The following SYNE1 variants were observed in gnomAD, a reference collection of about 807,000 sequenced individuals.
The protein encoded by SYNE1 is nesprin-1.
A neutral mutation model predicts 1,111.0 loss-of-function variants in SYNE1; 616 were observed. That is an observed-to-expected ratio of 0.55 (90% confidence interval 0.52 to 0.59). The LOEUF is 0.59. Ranked by LOEUF, SYNE1 falls within the 20% of genes least tolerant of loss-of-function variation. The probability of loss-of-function intolerance (pLI) is 0.00; values close to 1 mark genes in which losing one functional copy is unlikely to be tolerated. For missense variants in SYNE1, 10,006 were observed against 10,417.0 expected, an observed-to-expected ratio of 0.96 and a Z score of 1.72; for synonymous variants, 3,855 against 3,825.8, an observed-to-expected ratio of 1.01 and a Z score of -0.28.
Position 152,293,983 on chromosome 6 carries a change from A to G in SYNE1, c.17827T>C (p.Ser5943Pro), listed in dbSNP as rs147998933. ...ACCACATTCTTTAAGGTTTCCCAAG[A>G]ACGCTGCAAATCACCCAGTTTGGCA... Reference protein sequence around the residue: ...ATAKLGDLQRSWETLKNVISE... With the variant: ...ATAKLGDLQRPWETLKNVISE... Residue 5943 changes from serine (S) to proline (P), a missense_variant, in exon 94 of 146, where the codon TCT becomes CCT. By Grantham distance (74) the Ser-to-Pro change is moderately conservative (BLOSUM62 -1). Transcript: ENST00000367255. 2,329 of 1,614,090 alleles carry G rather than the reference A, an allele frequency of 1.4e-3. 4 individuals are homozygous for G. Among genetic ancestry groups the G allele is most frequent in the Non-Finnish European group, 1.8e-3 (2,164 of 1,180,004 alleles).
intron 101 of SYNE1, among the ~76,000 whole-genome samples, chr6:152,259,483 T>C (rs1588928131): frequency 6.6e-6 from 1 of 152,282 alleles, no homozygotes; most frequent in East Asian, 1.9e-4. Context: ...TGTTTTTACA[T>C]ATGAAACTAG....
chr6:152,203,260 G>T (rs74632620), intron 126 of SYNE1, among the ~76,000 whole-genome samples: 1 of 152,030 alleles, frequency 6.6e-6, no homozygotes, highest in Non-Finnish European at 1.5e-5. Flanking sequence ...TAAAAAAGTA[G>T]AATTTTAAAA....
chr6:152,583,111 G>A (rs953176779), intron 3 of SYNE1, among the ~76,000 whole-genome samples: 1 of 152,104 alleles, frequency 6.6e-6, no homozygotes, highest in African/African-American at 2.4e-5. Flanking sequence ...CTGCTACTGA[G>A]TAATATAAAA....
At position 152,225,728 on chromosome 6, in the gene SYNE1, T is replaced by A; in HGVS notation, c.21344A>T (p.Asp7115Val). 1 of 1,614,138 alleles carries A rather than the reference T, an allele frequency of 6.2e-7. No individual in the cohort carries two copies. The highest frequency in any genetic ancestry group is 8.5e-7 in the Non-Finnish European group (1 of 1,179,994). ...TTCTGTGAGCAATATTACCATGTGA[T>A]CTAAATTTGCCCAGGTTTGGCCGAG... ...RELGQTWANLDHMVGQLKILL... is the reference protein window; with the variant it reads ...RELGQTWANLVHMVGQLKILL... Residue 7115 changes from aspartate to valine, a missense_variant, in exon 116 of 146, where the codon GAT (aspartate) becomes GTT (valine). Asp to Val is a radical substitution (Grantham distance 152). Transcript: ENST00000367255.
chr6:152,242,190 G>A (rs764328892), intron 107 of SYNE1, 50 bp downstream of exon 107: 1 of 1,468,484 alleles, frequency 6.8e-7, no homozygotes, highest in African/African-American at 1.4e-5. Flanking sequence ...GGGTTTGAGA[G>A]CATGCTTTCC....
At chr6:152,206,027 T>G (rs925649542) in intron 126 of SYNE1, 141 bp downstream of exon 126, 2 of 977,516 alleles carry the variant, frequency 2.0e-6, no homozygotes, top group African/African-American at 3.3e-5. Flanking sequence ...GACAAAGTCT[T>G]AAATAAAACA....
At chr6:152,409,293 T>C in intron 43 of SYNE1, 67 bp from the exon 44 acceptor site, 1 of 1,510,632 alleles carries the variant, frequency 6.6e-7, no homozygotes. Flanking sequence ...AAACCATTTG[T>C]CTCTAAGAAA....
At chr6:152,266,010 G>T (rs111575726) in intron 100 of SYNE1, among the ~76,000 whole-genome samples, 1 of 151,924 alleles carries the variant, frequency 6.6e-6, no homozygotes, top group South Asian at 2.1e-4. Context: ...TTAATTCATG[G>T]TTAATTGTTT....
chr6:152,130,079 C>G (rs1342471546), intron 145 of SYNE1, among the ~76,000 whole-genome samples: 1 of 152,056 alleles, frequency 6.6e-6, no homozygotes, highest in Non-Finnish European at 1.5e-5. Context: ...CGGGAGGTGA[C>G]TGGGCAGGGG....
In SYNE1 at chr6:152,331,200, T is replaced by G; in HGVS notation, c.13485A>C (p.Thr4495=). The G allele has an allele frequency of 6.2e-7, 1 of 1,614,018 alleles. No individual in the cohort carries two copies. Among genetic ancestry groups the G allele is most frequent in the Non-Finnish European group, 8.5e-7 (1 of 1,180,048 alleles). The change falls in exon 78 of 146, where the codon ACA becomes ACC. Residue 4495 remains threonine (T), a synonymous_variant. Coordinates refer to ENST00000367255, the MANE Select transcript of SYNE1 (RefSeq NM_182961.4). Reference sequence around the variant, plus strand: ...TGAGGCTGGCTTGTGCACTCTTACATGTTTTGACTTGTTTGCTCACATCAT... The same window carrying G: ...TGAGGCTGGCTTGTGCACTCTTACAGGTTTTGACTTGTTTGCTCACATCAT... ...LPDDVSKQVK[T]CKSAQASLKT...
chr6:152,429,794 G>C (rs1480708605), intron 36 of SYNE1, among the ~76,000 whole-genome samples: 1 of 152,108 alleles, frequency 6.6e-6, no homozygotes, highest in East Asian at 1.9e-4. Context: ...CCTTGCACAT[G>C]TACTTTTTTA....
chr6:152,219,666 T>C (rs1355405949), intron 119 of SYNE1, among the ~76,000 whole-genome samples: 1 of 152,226 alleles, frequency 6.6e-6, no homozygotes, highest in Non-Finnish European at 1.5e-5. Flanking sequence ...GTGTCTTCTA[T>C]ATGTGTGGTC....
intron 10 of SYNE1, among the ~76,000 whole-genome samples, chr6:152,499,842 G>A (rs927047754): frequency 6.6e-6 from 1 of 152,202 alleles, no homozygotes; most frequent in Non-Finnish European, 1.5e-5. Flanking sequence ...GAAAGGGATA[G>A]AGGGAATTTT....
chr6:152,374,791 T>C (rs2097252026), intron 58 of SYNE1, among the ~76,000 whole-genome samples: 1 of 151,340 alleles, frequency 6.6e-6, no homozygotes, highest in African/African-American at 2.4e-5. Context: ...AATAAATAAA[T>C]AAATAAATAA....
chr6:152,390,495 C>A (rs1221338668), intron 52 of SYNE1, 43 bp from the exon 53 acceptor site: 2 of 1,599,166 alleles, frequency 1.3e-6, no homozygotes, highest in East Asian at 4.5e-5. Flanking sequence ...CATGTAAAAA[C>A]CTTCTTCTAT....
chr6:152,509,500 G>A (rs190402814), intron 8 of SYNE1, among the ~76,000 whole-genome samples: 6 of 152,170 alleles, frequency 3.9e-5, no homozygotes, highest in Admixed American at 3.3e-4. Flanking sequence ...CAGGTGATAT[G>A]CCCACCTCAG....
chr6:152,231,977 C>T, intron 113 of SYNE1, 139 bp downstream of exon 113: 2 of 612,932 alleles, frequency 3.3e-6, no homozygotes, highest in South Asian at 2.2e-5. Context: ...ATGCATTTTT[C>T]TTGCTATTGA....
At position 152,231,303 on chromosome 6, in the gene SYNE1, G is replaced by A. The variant is rs910523393; in HGVS notation, c.21039+88C>T. 1.3e-5 allele frequency: 18 copies of A among 1,439,930 alleles called. 1 individual carries two copies. In the South Asian group the frequency reaches 1.4e-4, roughly 11 times the overall value. 89.2% of individuals were successfully genotyped at this position (1,439,930 alleles called of 1,614,324 possible). A position where few individuals can be genotyped will look rare whatever the true frequency, so the allele number is the denominator to read the frequency against. On this transcript the variant is annotated intron_variant, in intron 114 of 145. Coordinates refer to ENST00000367255, the MANE Select transcript of SYNE1 (RefSeq NM_182961.4). Reference sequence around the variant, plus strand: ...AGCGTTCTTTGCCCAGTATAGCCACGCTACTTGTGAACCCAGTCTTCCTTA... The same window carrying A: ...AGCGTTCTTTGCCCAGTATAGCCACACTACTTGTGAACCCAGTCTTCCTTA...
intron 6 of SYNE1, among the ~76,000 whole-genome samples, chr6:152,516,904 C>T (rs991814619): frequency 3.9e-5 from 6 of 152,024 alleles, no homozygotes; most frequent in Non-Finnish European, 7.4e-5. Flanking sequence ...CTCTAAATAT[C>T]CTGTTTAACA....
Sources: gnomAD v4.1 joint callset for allele counts (sites outside exome capture counted in the v4.1 genomes callset) on GRCh38, gnomAD v4.1.1 for gene constraint, MANE v1.5 for transcripts, NCBI Gene and HGNC (gene_info 2026-07-23, HGNC 2026-07-21) for gene names.